Variants in WNT10A observed in about 807,000 individuals in gnomAD.
WNT10A encodes the protein protein Wnt-10a.
WNT10A carries 37 observed loss-of-function variants against 36.1 expected under a neutral mutation model. The ratio of observed to expected loss-of-function variants is 1.02; its 90% CI spans 0.79 to 1.35. The LOEUF is 1.35. Among genes scored for constraint, WNT10A ranks in the 40% most tolerant of loss-of-function variants. The probability of loss-of-function intolerance (pLI) is 0.00; values close to 1 mark genes in which losing one functional copy is unlikely to be tolerated. For missense variants in WNT10A, 613 were observed against 601.4 expected, an observed-to-expected ratio of 1.02 and a Z score of -0.20; for synonymous variants, 255 against 254.1, an observed-to-expected ratio of 1.00 and a Z score of -0.03.
rs1011612159 is a variant in WNT10A at position 218,882,320 on chromosome 2, C to T, written c.273C>T (p.Ile91=). The change falls in exon 2 of 4, where the codon ATC becomes ATT. Residue 91 remains isoleucine, a synonymous_variant. Transcript: ENST00000258411. ...CCTCAGCCATACAGGGCATCCAGAT[C>T]GCCATCCACGAATGCCAACACCAAT... ...VAASAIQGIQ[I]AIHECQHQFR... 6.8e-6 allele frequency: 11 copies of T among 1,614,064 alleles called. No individual in the cohort carries two copies. Among genetic ancestry groups the T allele is most frequent in the East Asian group, 4.5e-5 (2 of 44,900 alleles).
rs1323826587 is a variant in WNT10A at position 218,892,799 on chromosome 2, A to G, written c.782A>G (p.Lys261Arg). 6.3e-7 allele frequency: 1 copy of G among 1,596,492 alleles called. No individual in the cohort carries two copies. Among genetic ancestry groups the G allele is most frequent in the African/African-American group, 1.3e-5 (1 of 74,650 alleles). The change falls in exon 4 of 4, where the codon AAG becomes AGG. Residue 261 changes from lysine (K) to arginine (R), a missense_variant. By Grantham distance (26) the Lys-to-Arg change is conservative (BLOSUM62 2). Transcript: ENST00000258411. ...RQAVMENMRR[K>R]CKCHGTSGSC... ...GCAGTGATGGAGAACATGCGGCGGA[A>G]GTGCAAGTGCCACGGCACGTCAGGC...
At chr2:218,886,807 A>G (rs1381889358) in intron 2 of WNT10A, among the ~76,000 whole-genome samples, 4 of 152,076 alleles carry the variant, frequency 2.6e-5, no homozygotes, top group South Asian at 2.1e-4. Context: ...CTGGGCTTCT[A>G]TGAGGCCTGG....
At chr2:218,876,741 CAAAA>C (rs1213897970), upstream of WNT10A, among the ~76,000 whole-genome samples, 3 of 152,106 alleles carry the variant, frequency 2.0e-5, no homozygotes, top group Non-Finnish European at 4.4e-5. Flanking sequence ...TTCAAACAAA[CAAAA>C]AAACCAAACA....
chr2:218,887,318 G>A lies in WNT10A; in HGVS notation c.377-2666G>A, dbSNP rs1383571368. 2.6e-5 allele frequency among the ~76,000 whole-genome samples: 4 copies of A among 152,228 alleles called. No homozygotes were observed. The South Asian group carries it at 8.3e-4, about 32-fold the overall frequency. ...TCTGAGACCTGGGCTGCCTCTGGAG[G>A]TCTGAGTATTGCCATTGTGTCCTAG... On this transcript the variant is annotated intron_variant, in intron 2 of 3. Coordinates refer to ENST00000258411, the MANE Select transcript of WNT10A (RefSeq NM_025216.3).
upstream of WNT10A, among the ~76,000 whole-genome samples, chr2:218,877,344 G>A (rs1167850583): frequency 5.3e-5 from 8 of 152,182 alleles, no homozygotes; most frequent in African/African-American, 1.7e-4. This position sits in a 1 kb window ranked among gnomAD's most constrained non-coding sequence, Gnocchi z 4.1. Context: ...CCCTGAAGGC[G>A]TCTGGGCACT....
intron 3 of WNT10A, 85 bp from the exon 4 acceptor site, chr2:218,892,688 TG>T: frequency 6.5e-7 from 1 of 1,533,776 alleles, no homozygotes; most frequent in Middle Eastern, 2.3e-4. Flanking sequence ...ATAATGGGAG[TG>T]GGTTTCAGAA....
upstream of WNT10A, among the ~76,000 whole-genome samples, chr2:218,878,995 G>A (rs1268448873): frequency 6.6e-6 from 1 of 152,180 alleles, no homozygotes; most frequent in Non-Finnish European, 1.5e-5. This position sits in a 1 kb window ranked among gnomAD's most constrained non-coding sequence, Gnocchi z 4.1. Flanking sequence ...GGCAGTTGGG[G>A]TCAAATAAGG....
upstream of WNT10A, chr2:218,880,715 A>C: frequency 7.8e-6 from 3 of 383,762 alleles, no homozygotes; most frequent in Non-Finnish European, 1.4e-5. This position sits in a 1 kb window ranked among gnomAD's most constrained non-coding sequence, Gnocchi z 7.7. Context: ...AGGCACCGGG[A>C]GTTGTCGCGG....
chr2:218,874,238 T>TG, the WNT10A span: 1 of 188,644 alleles, frequency 5.3e-6, no homozygotes, highest in Non-Finnish European at 1.1e-5. Flanking sequence ...CCACCAGGGC[T>TG]GGACCCACAG....
chr2:218,889,784 C>T (rs915238377), intron 2 of WNT10A, among the ~76,000 whole-genome samples, 200 bp from the exon 3 acceptor site: 7 of 152,214 alleles, frequency 4.6e-5, no homozygotes, highest in African/African-American at 1.7e-4. Flanking sequence ...TGGGAAGCCT[C>T]CCTCCCACCC....
chr2:218,891,090 T>C (rs1250049425), intron 3 of WNT10A, among the ~76,000 whole-genome samples: 1 of 152,224 alleles, frequency 6.6e-6, no homozygotes, highest in Non-Finnish European at 1.5e-5. Context: ...TCCTTACAAC[T>C]ACCTATGAAG....
upstream of WNT10A, among the ~76,000 whole-genome samples, chr2:218,878,331 C>T (rs1396565692): frequency 6.6e-6 from 1 of 152,214 alleles, no homozygotes; most frequent in African/African-American, 2.4e-5. The surrounding 1 kb of genome is among the most constrained non-coding windows in gnomAD (Gnocchi z 4.1). Flanking sequence ...CTAGACCCTC[C>T]TGACACCAGG....
chr2:218,879,424 G>A (rs566915934), upstream of WNT10A, among the ~76,000 whole-genome samples: 2 of 152,348 alleles, frequency 1.3e-5, no homozygotes, highest in Non-Finnish European at 2.9e-5. Context: ...GCAGGAGCAC[G>A]ATCCACTATC....
Position 218,880,951 on chromosome 2 carries a change from T to G in WNT10A, c.-45T>G. 6.5e-7 allele frequency: 1 copy of G among 1,540,832 alleles called. No homozygotes were observed. Among genetic ancestry groups the G allele is most frequent in the Non-Finnish European group, 8.7e-7 (1 of 1,143,100 alleles). ...GGCGCCCCTGGCTCTCCAGTCCCAC[T>G]GGGCTGTGAGCCCCCCACTCCCAGC... is the stretch of plus-strand genomic sequence containing the variant. On this transcript the variant is annotated 5_prime_UTR_variant, in exon 1 of 4. Coordinates refer to ENST00000258411, the MANE Select transcript of WNT10A (RefSeq NM_025216.3). The surrounding 1 kb of genome is among the most constrained non-coding windows in gnomAD (Gnocchi z 7.7).
intron 3 of WNT10A, among the ~76,000 whole-genome samples, chr2:218,892,003 C>G (rs1257170488): frequency 6.6e-6 from 1 of 152,076 alleles, no homozygotes; most frequent in Admixed American, 6.5e-5. Flanking sequence ...ATAACCACCT[C>G]CCTTGGAGGC....
In WNT10A at chr2:218,892,978, G is replaced by T. The variant is rs762111465; in HGVS notation, c.961G>T (p.Ala321Ser). 6.8e-7 allele frequency: 1 copy of T among 1,468,984 alleles called. No individual in the cohort carries two copies. The highest frequency in any genetic ancestry group is 2.5e-5 in the Admixed American group (1 of 39,514). 91.0% of individuals were successfully genotyped at this position (1,468,984 alleles called of 1,614,324 possible). A position where few individuals can be genotyped will look rare whatever the true frequency, so the allele number is the denominator to read the frequency against. ...GGGCCCAGCGGGGGCACCCTCGCCG[G>T]CTCCGGGCGCTCCCGGGCCGCGCCG... ...EPGPAGAPSPAPGAPGPRRRA... is the reference protein window; with the variant it reads ...EPGPAGAPSPSPGAPGPRRRA... Residue 321 changes from alanine to serine, a missense_variant, in exon 4 of 4, where the codon GCT (alanine) becomes TCT (serine). Physicochemically the swap from Ala to Ser is moderately conservative, Grantham distance 99 (BLOSUM62 1). Coordinates refer to ENST00000258411, the MANE Select transcript of WNT10A (RefSeq NM_025216.3).
At chr2:218,879,131 T>C (rs905641198), upstream of WNT10A, among the ~76,000 whole-genome samples, 1 of 121,952 alleles carries the variant, frequency 8.2e-6, no homozygotes, top group African/African-American at 3.1e-5. Flanking sequence ...ACAGCTGCGG[T>C]GGCTGCCGGC....
At chr2:218,878,482 C>A (rs970849419), upstream of WNT10A, among the ~76,000 whole-genome samples, 2 of 152,130 alleles carry the variant, frequency 1.3e-5, no homozygotes, top group South Asian at 2.1e-4. The surrounding 1 kb of genome is among the most constrained non-coding windows in gnomAD (Gnocchi z 4.1). Context: ...GAAAAGAGAC[C>A]CCCTCATCAG....
chr2:218,889,846 C>T lies in WNT10A; in HGVS notation c.377-138C>T, dbSNP rs2106015933. 1.9e-5 allele frequency: 27 copies of T among 1,433,324 alleles called. 1 individual carries two copies. In the South Asian group the frequency reaches 3.3e-4, roughly 17 times the overall value. 88.8% of individuals were successfully genotyped at this position (1,433,324 alleles called of 1,614,324 possible). On this transcript the variant is annotated intron_variant, in intron 2 of 3. Transcript: ENST00000258411. ...GGCTTCTGGCGTGATTTCTGCCCTTCTTTGACTCTGTTTCCTTGTGCCAGA... is the reference window on the plus strand; with the variant it reads ...GGCTTCTGGCGTGATTTCTGCCCTTTTTTGACTCTGTTTCCTTGTGCCAGA...
Sources: allele counts gnomAD v4.1 joint callset (sites outside exome capture counted in the v4.1 genomes callset), GRCh38; gene constraint gnomAD v4.1.1; non-coding constraint Gnocchi (gnomAD v3.1); transcripts MANE v1.5; gene names NCBI Gene and HGNC (gene_info 2026-07-23, HGNC 2026-07-21).